CUL5: variants seen among roughly 807,000 people sequenced by gnomAD.
CUL5 encodes cullin-5.
Under a neutral mutation model 108.8 loss-of-function variants are expected in CUL5, and 26 were observed. That is an observed-to-expected ratio of 0.24 (90% confidence interval 0.18 to 0.33). CUL5 has a LOEUF of 0.33. Among genes scored for constraint, CUL5 ranks in the 10% least tolerant of loss-of-function variants. CUL5 has a pLI of 1.00. For missense variants in CUL5, 524 were observed against 909.2 expected (o/e 0.58, Z 5.45); for synonymous variants, 334 against 298.0 (o/e 1.12, Z -1.25).
At chr11:108,077,701 T>G (rs1396527447) in intron 10 of CUL5, among the ~76,000 whole-genome samples, 2 of 151,682 alleles carry the variant, frequency 1.3e-5, no homozygotes, top group East Asian at 1.9e-4. Context: ...TCCCAGCACT[T>G]TGGGAGACCA....
intron 1 of CUL5, among the ~76,000 whole-genome samples, chr11:108,029,067 C>T (rs1319029417): frequency 6.6e-6 from 1 of 152,230 alleles, no homozygotes; most frequent in African/African-American, 2.4e-5. Context: ...TTTGCATTGG[C>T]TGCTTTCTCT....
In CUL5 at chr11:108,064,157, C is replaced by T. The variant is rs182538917; in HGVS notation, c.781-5939C>T. Among the ~76,000 whole-genome samples, 415 of 152,242 alleles carry T rather than the reference C, an allele frequency of 2.7e-3. 5 individuals are homozygous for T. Among genetic ancestry groups the T allele is most frequent in the African/African-American group, 9.5e-3 (394 of 41,538 alleles). On this transcript the variant is annotated intron_variant, in intron 7 of 18. Transcript: ENST00000393094. ...TCTCCATTCAGTATGATACTAGCTA[C>T]GGGTCTCTCATGTGGCTTTTATTAT...
chr11:108,101,287 G>A (rs1040229056), intron 18 of CUL5, among the ~76,000 whole-genome samples: 6 of 152,234 alleles, frequency 3.9e-5, no homozygotes, highest in African/African-American at 1.2e-4. Context: ...AGTAAAGGGA[G>A]TGTCATATCT....
chr11:108,082,457 T>G (rs575662359), intron 11 of CUL5, among the ~76,000 whole-genome samples: 1 of 152,092 alleles, frequency 6.6e-6, no homozygotes, highest in East Asian at 1.9e-4. Context: ...TATTATTTTT[T>G]GTAGAGACAG....
Position 108,097,710 on chromosome 11 carries a change from T to C in CUL5, c.1980T>C (p.Phe660=), listed in dbSNP as rs775762148. 5 of 1,613,214 alleles carry C rather than the reference T, an allele frequency of 3.1e-6. No individual in the cohort carries two copies. The South Asian group carries it at 4.4e-5, about 14-fold the overall frequency. The stretch of plus-strand genomic sequence containing the variant: ...CTCAAGTCAACTCACCCAAAGACTT[T>C]ACAGAAGGTACCCTCTTCTCAGTGA... ...YEPQVNSPKD[F]TEGTLFSVNQ... Residue 660 remains phenylalanine, a synonymous_variant, in exon 17 of 19, where the codon TTT becomes TTC. Coordinates refer to ENST00000393094, the MANE Select transcript of CUL5 (RefSeq NM_003478.6).
intron 7 of CUL5, among the ~76,000 whole-genome samples, chr11:108,058,797 A>G: frequency 6.6e-6 from 1 of 152,150 alleles, no homozygotes; most frequent in Admixed American, 6.6e-5. Context: ...AGAGCCACTT[A>G]GACCCTACTT....
intron 1 of CUL5, among the ~76,000 whole-genome samples, chr11:108,027,439 T>C (rs1862479124): frequency 6.6e-6 from 1 of 151,932 alleles, no homozygotes; most frequent in Admixed American, 6.6e-5. Context: ...ACCCAGCTGA[T>C]TTTTGTATTT....
intron 2 of CUL5, among the ~76,000 whole-genome samples, chr11:108,039,400 G>C (rs897341844): frequency 1.3e-5 from 2 of 152,064 alleles, no homozygotes; most frequent in African/African-American, 4.8e-5. Flanking sequence ...TCCCCACCTT[G>C]CATTATAAAA....
In CUL5 at chr11:108,013,869, A is replaced by G. The variant is rs538940801; in HGVS notation, c.24+4497A>G. Among the ~76,000 whole-genome samples the G allele has an allele frequency of 1.1e-4, 17 of 152,246 alleles. No homozygotes were observed. The South Asian group carries it at 1.7e-3, about 15-fold the overall frequency. ...GGATTACCTGAGGCCGACCTGGGCA[A>G]TGTAGCAAGACCCTGTCTCTATAAA... On this transcript the variant is annotated intron_variant, in intron 1 of 18. Transcript: ENST00000393094.
rs371453494 is a variant in CUL5 at position 108,058,208 on chromosome 11, C to CAA, written c.780+3270_780+3271dup. Among the ~76,000 whole-genome samples, 392 of 71,868 alleles carry CAA rather than the reference C, an allele frequency of 5.5e-3. 7 individuals carry two copies. The highest frequency in any genetic ancestry group is 0.018 in the African/African-American group (346 of 18,984). 47.1% of individuals were successfully genotyped at this position (71,868 alleles called of 152,430 possible). A position where few individuals can be genotyped will look rare whatever the true frequency, so the allele number is the denominator to read the frequency against. ...TGGGCGATAGAGCAAGACTCTGTCTCAAAAAAAAAAAAAAAAAAGAATATT... is the reference window on the plus strand; with the variant it reads ...TGGGCGATAGAGCAAGACTCTGTCTCAAAAAAAAAAAAAAAAAAAAGAATATT... On this transcript the variant is annotated intron_variant, in intron 7 of 18. Coordinates refer to ENST00000393094, the MANE Select transcript of CUL5 (RefSeq NM_003478.6).
At chr11:108,058,483 C>T (rs192757284) in intron 7 of CUL5, among the ~76,000 whole-genome samples, 685 of 151,152 alleles carry the variant, frequency 4.5e-3, no homozygotes, top group South Asian at 7.3e-3. Context: ...CTCCTGACTT[C>T]GTGATCTGCC....
At chr11:108,067,362 G>C (rs1188946033) in intron 7 of CUL5, among the ~76,000 whole-genome samples, 1 of 152,078 alleles carries the variant, frequency 6.6e-6, no homozygotes, top group Non-Finnish European at 1.5e-5. Flanking sequence ...CTTTAATTAT[G>C]TTGTCAATTT....
At chr11:108,067,382 T>C (rs1348903882) in intron 7 of CUL5, among the ~76,000 whole-genome samples, 2 of 152,258 alleles carry the variant, frequency 1.3e-5, no homozygotes, top group Admixed American at 6.5e-5. Flanking sequence ...TAGCTCTCCT[T>C]TTAATCCTCG....
At chr11:108,071,716 T>C (rs775279055) in intron 8 of CUL5, among the ~76,000 whole-genome samples, 8 of 151,732 alleles carry the variant, frequency 5.3e-5, no homozygotes, top group Admixed American at 2.0e-4. Flanking sequence ...CCAGCTAATT[T>C]TGTTTGTTTG....
intron 2 of CUL5, among the ~76,000 whole-genome samples, chr11:108,038,923 T>C (rs1195986473): frequency 6.6e-6 from 1 of 152,166 alleles, no homozygotes; most frequent in East Asian, 1.9e-4. Context: ...CTAATCTATA[T>C]TCTTTCTCTA....
In CUL5 at chr11:108,061,124, T is replaced by C. The variant is rs1863522228; in HGVS notation, c.780+6169T>C. Among the ~76,000 whole-genome samples, 6 of 152,244 alleles carry C rather than the reference T, an allele frequency of 3.9e-5. No individual in the cohort carries two copies. In the South Asian group the frequency reaches 1.2e-3, roughly 32 times the overall value. ...GGAGTTGATGGCATATGGCAAAAAG[T>C]TTTTTTCTTCACGGAATCTAGCAAA... On this transcript the variant is annotated intron_variant, in intron 7 of 18. Coordinates refer to ENST00000393094, the MANE Select transcript of CUL5 (RefSeq NM_003478.6).
intron 18 of CUL5, 131 bp downstream of exon 18, chr11:108,098,660 A>C: frequency 1.8e-6 from 1 of 552,554 alleles, no homozygotes; most frequent in Non-Finnish European, 2.8e-6. Flanking sequence ...ACATAATCCC[A>C]ACACTTTGGG....
chr11:108,045,658 T>C (rs1291714485), intron 2 of CUL5, among the ~76,000 whole-genome samples: 1 of 152,022 alleles, frequency 6.6e-6, no homozygotes, highest in Non-Finnish European at 1.5e-5. Context: ...AACAAGGAGT[T>C]CAAGACCAGC....
chr11:108,096,669 C>T (rs776328098), intron 16 of CUL5, among the ~76,000 whole-genome samples: 11 of 143,464 alleles, frequency 7.7e-5, no homozygotes, highest in African/African-American at 1.3e-4. Flanking sequence ...AGGGTTTAAG[C>T]GATTCTCCTA....
Sources: allele counts gnomAD v4.1 joint callset (sites outside exome capture counted in the v4.1 genomes callset), GRCh38; gene constraint gnomAD v4.1.1; transcripts MANE v1.5; gene names NCBI Gene and HGNC (gene_info 2026-07-23, HGNC 2026-07-21).